Variants in ZMIZ1 observed in about 807,000 individuals in gnomAD.
ZMIZ1 encodes the protein zinc finger MIZ domain-containing protein 1.
A neutral mutation model predicts 113.9 loss-of-function variants in ZMIZ1; 17 were observed. The observed-to-expected ratio is 0.15, with a 90% CI of 0.10 to 0.22. The LOEUF (loss-of-function observed/expected upper bound fraction) is 0.22, where lower values mean the gene tolerates loss of function less well. ZMIZ1 is among the 10% of genes least tolerant of loss of function. ZMIZ1 has a pLI of 1.00. For synonymous variants in ZMIZ1, 607 were observed against 603.1 expected (o/e 1.01, Z -0.09); for missense variants, 1,059 against 1,477.8 (o/e 0.72, Z 4.65).
At chr10:79,252,447 C>T (rs534358815) in intron 7 of ZMIZ1, among the ~76,000 whole-genome samples, 1 of 152,230 alleles carries the variant, frequency 6.6e-6, no homozygotes, top group East Asian at 1.9e-4. Flanking sequence ...TAGTCCACCA[C>T]ACCCTCACCA....
chr10:79,169,576 C>T (rs1342176842), intron 4 of ZMIZ1, among the ~76,000 whole-genome samples: 1 of 152,242 alleles, frequency 6.6e-6, no homozygotes, highest in Non-Finnish European at 1.5e-5. Context: ...GCCCAGACAC[C>T]TCCATTGCTG....
chr10:79,113,325 A>G (rs545621218), intron 1 of ZMIZ1, among the ~76,000 whole-genome samples: 12 of 152,312 alleles, frequency 7.9e-5, no homozygotes, highest in African/African-American at 2.9e-4. Context: ...TGCAGCCTCC[A>G]TGGTCTGCGT....
At chr10:79,246,186 C>T (rs1405929456) in intron 7 of ZMIZ1, among the ~76,000 whole-genome samples, 1 of 152,236 alleles carries the variant, frequency 6.6e-6, no homozygotes, top group Non-Finnish European at 1.5e-5. Context: ...GCATGAGTCC[C>T]AGGTCTCCAA....
intron 1 of ZMIZ1, among the ~76,000 whole-genome samples, chr10:79,099,116 A>C (rs1843268401): frequency 6.6e-6 from 1 of 151,824 alleles, no homozygotes; most frequent in Non-Finnish European, 1.5e-5. Flanking sequence ...CTCGACACCC[A>C]CCCACCCTAG....
chr10:79,110,015 G>A (rs1490814628), intron 1 of ZMIZ1, among the ~76,000 whole-genome samples: 3 of 152,262 alleles, frequency 2.0e-5, no homozygotes, highest in Non-Finnish European at 4.4e-5. Flanking sequence ...CATAGGACTT[G>A]TTCCAGCTGT....
At chr10:79,260,805 T>C (rs1793429201) in intron 7 of ZMIZ1, among the ~76,000 whole-genome samples, 1 of 152,206 alleles carries the variant, frequency 6.6e-6, no homozygotes, top group African/African-American at 2.4e-5. Context: ...AAAGTAATTG[T>C]ATTAATTAAA....
chr10:79,293,613 C>A lies in ZMIZ1; in HGVS notation c.1190C>A (p.Ser397Tyr), dbSNP rs773357158. Residue 397 changes from serine to tyrosine, a missense_variant, in exon 12 of 25, where the codon TCC (serine) becomes TAC (tyrosine). By Grantham distance (144) the Ser-to-Tyr change is moderately radical (BLOSUM62 -2). Around this residue, in one of 6 missense-constraint regions of ZMIZ1, gnomAD observed 239 missense variants for 247.5 expected, o/e 0.97. Coordinates refer to ENST00000334512, the MANE Select transcript of ZMIZ1 (RefSeq NM_020338.4). The part of the protein sequence containing the change: ...QQTYPGPRPQ[S>Y]LPIQNIKRPY... ...ACCTACCCGGGCCCCCGGCCCCAGT[C>A]CCTTCCTATTCAGAACATAAAGAGG... 1 of 1,613,140 alleles carries A rather than the reference C, an allele frequency of 6.2e-7. No homozygotes were observed. Among genetic ancestry groups the A allele is most frequent in the Non-Finnish European group, 8.5e-7 (1 of 1,180,034 alleles).
chr10:79,129,617 C>T (rs765568512), intron 2 of ZMIZ1, among the ~76,000 whole-genome samples: 6 of 152,218 alleles, frequency 3.9e-5, no homozygotes, highest in East Asian at 1.9e-4. Flanking sequence ...GCTCTTTGCT[C>T]AAGGCTGTGA....
chr10:79,259,053 G>A (rs1236807793), intron 7 of ZMIZ1, among the ~76,000 whole-genome samples: 2 of 152,198 alleles, frequency 1.3e-5, no homozygotes, highest in Admixed American at 6.5e-5. Context: ...GCCATGCCTC[G>A]CCCCAGCCGC....
intron 2 of ZMIZ1, among the ~76,000 whole-genome samples, chr10:79,129,989 C>T (rs1844685997): frequency 6.6e-6 from 1 of 152,230 alleles, no homozygotes; most frequent in Admixed American, 6.5e-5. Context: ...TTGATGCAGG[C>T]AGCTGCTGGT....
intron 16 of ZMIZ1, 141 bp from the exon 17 acceptor site, chr10:79,300,591 G>A: frequency 9.3e-7 from 1 of 1,077,352 alleles, no homozygotes; most frequent in Non-Finnish European, 1.3e-6. Context: ...CAGGCTGGGG[G>A]AATCATTGGG....
intron 4 of ZMIZ1, among the ~76,000 whole-genome samples, chr10:79,165,564 A>G (rs1048502848): frequency 6.6e-6 from 1 of 151,442 alleles, no homozygotes; most frequent in African/African-American, 2.4e-5. Context: ...GAAAGGGGAG[A>G]CCCCTCCCTC....
chr10:79,238,148 C>T (rs1393505334), intron 7 of ZMIZ1, among the ~76,000 whole-genome samples: 1 of 152,150 alleles, frequency 6.6e-6, no homozygotes, highest in East Asian at 1.9e-4. Context: ...GTTCACGTGC[C>T]CCCTCCCCTC....
At chr10:79,246,210 A>G (rs1850186842) in intron 7 of ZMIZ1, among the ~76,000 whole-genome samples, 2 of 152,112 alleles carry the variant, frequency 1.3e-5, no homozygotes, top group Admixed American at 1.3e-4. Flanking sequence ...CTTGGCCAGC[A>G]CTCTGTCATC....
chr10:79,095,088 G>C (rs562615522), intron 1 of ZMIZ1, among the ~76,000 whole-genome samples: 2 of 152,298 alleles, frequency 1.3e-5, no homozygotes, highest in South Asian at 4.1e-4. Flanking sequence ...TCTCAGACCA[G>C]CCTAGGTTCA....
At chr10:79,096,636 C>T (rs912252796) in intron 1 of ZMIZ1, among the ~76,000 whole-genome samples, 16 of 151,852 alleles carry the variant, frequency 1.1e-4, no homozygotes, top group African/African-American at 2.9e-4. Flanking sequence ...TGACCCGAAA[C>T]GCTGCCTTGA....
chr10:79,283,882 G>A (rs761450737), intron 8 of ZMIZ1, among the ~76,000 whole-genome samples: 12 of 152,170 alleles, frequency 7.9e-5, no homozygotes, highest in Admixed American at 5.2e-4. Context: ...AATTAAACAG[G>A]GTGGGAGCTT....
intron 6 of ZMIZ1, 44 bp from the exon 7 acceptor site, chr10:79,216,125 C>T: frequency 7.1e-7 from 1 of 1,408,998 alleles, no homozygotes; most frequent in Non-Finnish European, 9.4e-7. Context: ...TCCATTGGCT[C>T]TGGGCTCCGT....
At chr10:79,089,234 G>A (rs972493497) in intron 1 of ZMIZ1, among the ~76,000 whole-genome samples, 34 of 152,218 alleles carry the variant, frequency 2.2e-4, no homozygotes, top group African/African-American at 1.4e-4. Context: ...GTCCACGGCC[G>A]GAGCCTCCGC....
Sources: allele counts gnomAD v4.1 joint callset (sites outside exome capture counted in the v4.1 genomes callset), GRCh38; gene constraint gnomAD v4.1.1; regional missense constraint gnomAD v4.1.1; transcripts MANE v1.5; gene names NCBI Gene and HGNC (gene_info 2026-07-23, HGNC 2026-07-21).